LRP1B: variants seen among roughly 807,000 people sequenced by gnomAD.
The protein encoded by LRP1B is low-density lipoprotein receptor-related protein 1B.
A neutral mutation model predicts 556.6 loss-of-function variants in LRP1B; 217 were observed. That is an observed-to-expected ratio of 0.39 (90% CI 0.35 to 0.44). The LOEUF (loss-of-function observed/expected upper bound fraction) is 0.44, where lower values mean the gene tolerates loss of function less well. Ranked by LOEUF, LRP1B falls within the 20% of genes least tolerant of loss-of-function variation. The pLI is 1.00. For synonymous variants in LRP1B, 2,047 were observed against 1,865.8 expected, an observed-to-expected ratio of 1.10 and a Z score of -2.50; for missense variants, 5,053 against 5,620.8, an observed-to-expected ratio of 0.90 and a Z score of 3.23.
At chr2:140,811,934 A>G (rs936768733) in intron 32 of LRP1B, among the ~76,000 whole-genome samples, 1 of 152,110 alleles carries the variant, frequency 6.6e-6, no homozygotes, top group Non-Finnish European at 1.5e-5. Flanking sequence ...CAAAGACTCA[A>G]AAGAAAATTG....
chr2:141,744,676 T>A (rs1693847065), intron 2 of LRP1B, among the ~76,000 whole-genome samples: 2 of 152,178 alleles, frequency 1.3e-5, no homozygotes, highest in Admixed American at 1.3e-4. Context: ...TCTCTGTCTC[T>A]CCGGGATTGG....
At chr2:141,803,778 A>G (rs1264562688) in intron 2 of LRP1B, among the ~76,000 whole-genome samples, 3 of 152,100 alleles carry the variant, frequency 2.0e-5, no homozygotes, top group Non-Finnish European at 4.4e-5. Flanking sequence ...CCTGAATTCT[A>G]TTTTATTTCT....
At chr2:141,639,223 G>C (rs1333789891) in intron 2 of LRP1B, among the ~76,000 whole-genome samples, 1 of 138,452 alleles carries the variant, frequency 7.2e-6, no homozygotes, top group Non-Finnish European at 1.5e-5. Flanking sequence ...TCTTTGCATG[G>C]TCTCTTCACG....
chr2:141,002,383 C>T (rs1001185059), intron 15 of LRP1B, among the ~76,000 whole-genome samples: 1 of 151,996 alleles, frequency 6.6e-6, no homozygotes, highest in Non-Finnish European at 1.5e-5. Flanking sequence ...TAAAAAAGTA[C>T]AGGAGGCATA....
chr2:141,873,018 G>T (rs1396660406), intron 1 of LRP1B, among the ~76,000 whole-genome samples: 1 of 151,966 alleles, frequency 6.6e-6, no homozygotes, highest in African/African-American at 2.4e-5. Flanking sequence ...AGACCATTGG[G>T]AAGAACTTAG....
Position 141,563,088 on chromosome 2 carries a change from G to A in LRP1B, c.206-82555C>T, listed in dbSNP as rs116738852. Among the ~76,000 whole-genome samples the A allele has an allele frequency of 5.0e-3, 764 of 152,098 alleles. 9 individuals are homozygous for A. Among genetic ancestry groups the A allele is most frequent in the African/African-American group, 0.018 (736 of 41,528 alleles). On this transcript the variant is annotated intron_variant, in intron 2 of 90. Transcript: ENST00000389484. Reference sequence around the variant, plus strand: ...GAAGTGGAGAGAAGCTAAAGATGGTGTTAAATAAGCCTGGGTATTAGGTGA... The same window carrying A: ...GAAGTGGAGAGAAGCTAAAGATGGTATTAAATAAGCCTGGGTATTAGGTGA...
At chr2:142,100,334 C>T (rs1706529190) in intron 1 of LRP1B, among the ~76,000 whole-genome samples, 1 of 151,890 alleles carries the variant, frequency 6.6e-6, no homozygotes, top group Non-Finnish European at 1.5e-5. Flanking sequence ...AATCCATTAG[C>T]GTTGACACCA....
At chr2:141,755,769 T>C (rs991984418) in intron 2 of LRP1B, among the ~76,000 whole-genome samples, 2 of 152,030 alleles carry the variant, frequency 1.3e-5, no homozygotes, top group Admixed American at 6.6e-5. Flanking sequence ...TATCCAGATA[T>C]ATGTAACTGG....
Position 140,255,090 on chromosome 2 carries a change from A to G in LRP1B, c.13248-7928T>C, listed in dbSNP as rs538362068. 1.4e-4 allele frequency among the ~76,000 whole-genome samples: 21 copies of G among 152,346 alleles called. No homozygotes were observed. In the South Asian group the frequency reaches 4.3e-3, roughly 32 times the overall value. ...GAAAGATTTGTTTAAATCAAGCTTC[A>G]GTATGAATTAACAAATTTGTCTATC... On this transcript the variant is annotated intron_variant, in intron 86 of 90. Transcript: ENST00000389484.
chr2:141,345,112 C>G (rs566325338), intron 3 of LRP1B, among the ~76,000 whole-genome samples: 1 of 111,308 alleles, frequency 9.0e-6, no homozygotes, highest in Non-Finnish European at 1.9e-5. Context: ...CCATTGCTGG[C>G]TTGAATGATG....
intron 3 of LRP1B, 135 bp from the exon 4 acceptor site, chr2:141,254,776 T>A (rs200481044): frequency 1.4e-5 from 5 of 358,372 alleles, no homozygotes; most frequent in Non-Finnish European, 2.3e-5. Context: ...TAGAAAAAAA[T>A]ATTTACCTAA....
At chr2:140,944,572 G>A (rs922537454) in intron 20 of LRP1B, among the ~76,000 whole-genome samples, 7 of 152,134 alleles carry the variant, frequency 4.6e-5, no homozygotes, top group Non-Finnish European at 2.9e-5. Flanking sequence ...ATCGTGATCA[G>A]TAGGCTTTAT....
intron 77 of LRP1B, among the ~76,000 whole-genome samples, chr2:140,343,311 A>T (rs935833659): frequency 4.6e-5 from 7 of 151,598 alleles, no homozygotes; most frequent in Non-Finnish European, 1.0e-4. Context: ...ATTTTTTAAA[A>T]GTAGCCTTTA....
chr2:141,080,794 A>G (rs1376504135), intron 7 of LRP1B, among the ~76,000 whole-genome samples: 2 of 152,216 alleles, frequency 1.3e-5, no homozygotes, highest in African/African-American at 4.8e-5. Flanking sequence ...ACTGCAGTCC[A>G]CAGATATTAA....
chr2:140,426,271 A>C (rs1307519004), intron 66 of LRP1B, among the ~76,000 whole-genome samples: 1 of 152,244 alleles, frequency 6.6e-6, no homozygotes, highest in African/African-American at 2.4e-5. Flanking sequence ...AGCTGTAATT[A>C]TTTGTACTTG....
At chr2:141,442,380 A>C (rs957053762) in intron 3 of LRP1B, among the ~76,000 whole-genome samples, 3 of 151,864 alleles carry the variant, frequency 2.0e-5, no homozygotes, top group African/African-American at 7.3e-5. Context: ...TGGACAATAT[A>C]CTACTGTTTT....
chr2:141,067,618 A>C (rs762642166), intron 7 of LRP1B, among the ~76,000 whole-genome samples: 1 of 151,920 alleles, frequency 6.6e-6, no homozygotes, highest in Non-Finnish European at 1.5e-5. Flanking sequence ...TATTTACCTA[A>C]ACCTGCCCCA....
chr2:142,039,232 T>A (rs189226758), intron 1 of LRP1B, among the ~76,000 whole-genome samples: 1 of 151,636 alleles, frequency 6.6e-6, no homozygotes, highest in African/African-American at 2.4e-5. Flanking sequence ...ATTGCCTTGG[T>A]CAAAATATAC....
At chr2:142,040,196 T>A (rs753627453) in intron 1 of LRP1B, among the ~76,000 whole-genome samples, 3 of 151,424 alleles carry the variant, frequency 2.0e-5, no homozygotes, top group Non-Finnish European at 3.0e-5. Context: ...ACTTAATTTT[T>A]TTTAATGCTT....
Sources: gnomAD v4.1 joint callset for allele counts (sites outside exome capture counted in the v4.1 genomes callset) on GRCh38, gnomAD v4.1.1 for gene constraint, MANE v1.5 for transcripts, NCBI Gene and HGNC (gene_info 2026-07-23, HGNC 2026-07-21) for gene names.